TMEM270: variants seen among roughly 807,000 people sequenced by gnomAD.
TMEM270 encodes the protein transmembrane protein 270.
In TMEM270, 30 loss-of-function variants were observed where a neutral mutation model predicts 29.9. That is an observed-to-expected ratio of 1.00 (90% CI 0.75 to 1.36). TMEM270 has a LOEUF of 1.36. Among genes scored for constraint, TMEM270 ranks in the 40% most tolerant of loss-of-function variants. The pLI is 0.00. For synonymous variants in TMEM270, 135 were observed against 139.8 expected, an observed-to-expected ratio of 0.97 and a Z score of 0.24; for missense variants, 313 against 307.1, an observed-to-expected ratio of 1.02 and a Z score of -0.14.
At chr7:73,864,005 T>C (rs1788844162) in intron 1 of TMEM270, among the ~76,000 whole-genome samples, 1 of 148,922 alleles carries the variant, frequency 6.7e-6, no homozygotes, top group Non-Finnish European at 1.5e-5. Context: ...AGGCCAGGTA[T>C]AGTGGCTCAT....
chr7:73,865,094 T>C lies in TMEM270; in HGVS notation c.174T>C (p.Cys58=), dbSNP rs1788872011. 1 of 1,565,990 alleles carries C rather than the reference T, an allele frequency of 6.4e-7. No individual in the cohort carries two copies. The highest frequency in any genetic ancestry group is 8.7e-7 in the Non-Finnish European group (1 of 1,155,582). The change falls in exon 2 of 3, where the codon TGT becomes TGC. Residue 58 remains cysteine, a synonymous_variant. Coordinates refer to ENST00000320531, the MANE Select transcript of TMEM270 (RefSeq NM_182504.4). The part of the protein sequence containing the change: ...SGLAQEARGS[C]NWQAHLPLGA... ...TGGCCCAGGAGGCCCGGGGGTCCTG[T>C]AACTGGCAGGCCCACCTACCCCTGG...
chr7:73,865,082 C>G lies in TMEM270; in HGVS notation c.162C>G (p.Ala54=). 1 of 1,551,078 alleles carries G rather than the reference C, an allele frequency of 6.4e-7. No homozygotes were observed. Among genetic ancestry groups the G allele is most frequent in the Non-Finnish European group, 8.7e-7 (1 of 1,148,690 alleles). The change falls in exon 2 of 3, where the codon GCC becomes GCG. Residue 54 remains alanine (A), a synonymous_variant. Coordinates refer to ENST00000320531, the MANE Select transcript of TMEM270 (RefSeq NM_182504.4). ...GGGTGTCAGGGCTGGCCCAGGAGGC[C>G]CGGGGGTCCTGTAACTGGCAGGCCC... The part of the protein sequence containing the change: ...NHWVSGLAQE[A]RGSCNWQAHL...
At chr7:73,862,876 A>G (rs1447267844) in intron 1 of TMEM270, among the ~76,000 whole-genome samples, 2 of 148,548 alleles carry the variant, frequency 1.3e-5, no homozygotes, top group African/African-American at 2.5e-5. Context: ...GTCTCAGAAA[A>G]AAAAAAAAAA....
At chr7:73,861,480 C>A in intron 1 of TMEM270, 1 of 650,784 alleles carries the variant, frequency 1.5e-6, no homozygotes. Flanking sequence ...GACAGGGTCT[C>A]GCTCTGTCGC....
rs1554639757 is a variant in TMEM270 at position 73,865,137 on chromosome 7, CT to C, written c.218del (p.Leu73ArgfsTer11). 1 of 1,607,506 alleles carries C rather than the reference CT, an allele frequency of 6.2e-7. No individual in the cohort carries two copies. The highest frequency in any genetic ancestry group is 1.7e-5 in the Admixed American group (1 of 59,620). ...HLPLGAAACP[L>X]GQALWAGLAL... The stretch of plus-strand genomic sequence containing the variant: ...ACCCCTGGGAGCTGCAGCCTGCCCC[CT>C]GGGCCAGGCTCTCTGGGCTGGGCTG... On this transcript the variant is annotated frameshift_variant, in exon 2 of 3. Coordinates refer to ENST00000320531, the MANE Select transcript of TMEM270 (RefSeq NM_182504.4). LOFTEE classifies it high-confidence loss of function.
chr7:73,862,872 GAAAAAAAAAAAAAA>G (rs71082281), intron 1 of TMEM270, among the ~76,000 whole-genome samples: 4 of 44,084 alleles, frequency 9.1e-5, no homozygotes, highest in Non-Finnish European at 1.6e-4. Flanking sequence ...CCCTGTCTCA[GAAAAAAAAAAAAAA>G]AAAAAAAAAA....
rs1221589025 is a variant in TMEM270, at chr7:73,861,498, G to A, written c.72+232G>A. The A allele has an allele frequency of 1.2e-5, 8 of 640,934 alleles. No homozygotes were observed. The African/African-American group carries it at 1.4e-4, about 11-fold the overall frequency. The allele number at this position is 640,934 out of a possible 1,614,324, so 39.7% of individuals were successfully genotyped here. ...AGGGTCTCGCTCTGTCGCCCAGCCTGGAGCGCAGTGGTGCCGGCTCAGCTC... is the reference window on the plus strand; with the variant it reads ...AGGGTCTCGCTCTGTCGCCCAGCCTAGAGCGCAGTGGTGCCGGCTCAGCTC... On this transcript the variant is annotated intron_variant, in intron 1 of 2. Coordinates refer to ENST00000320531, the MANE Select transcript of TMEM270 (RefSeq NM_182504.4).
intron 1 of TMEM270, 187 bp downstream of exon 1, chr7:73,861,453 T>C (rs1163077456): frequency 6.1e-6 from 4 of 659,556 alleles, no homozygotes; most frequent in Non-Finnish European, 8.1e-6. Context: ...CATTTTCTTT[T>C]CTTTTCTTTA....
rs542429195 is a variant in TMEM270, at chr7:73,865,724, G to T, written c.649G>T (p.Ala217Ser). The stretch of plus-strand genomic sequence containing the variant: ...CTGCCTGGCCTCCCACCTGCTGCAG[G>T]CTGCCTTTGAGCACACGACCCAGCT... Reference protein sequence around the residue: ...TTCLASHLLQAAFEHTTQLAE... With the variant: ...TTCLASHLLQSAFEHTTQLAE... The change falls in exon 3 of 3, where the codon GCT (alanine) becomes TCT (serine). Residue 217 changes from alanine to serine, a missense_variant. By Grantham distance (99) the Ala-to-Ser change is moderately conservative. Coordinates refer to ENST00000320531, the MANE Select transcript of TMEM270 (RefSeq NM_182504.4). 6.8e-6 allele frequency: 11 copies of T among 1,614,130 alleles called. No individual in the cohort carries two copies. In the Admixed American group the frequency reaches 1.7e-4, roughly 24 times the overall value.
At chr7:73,864,919 A>G in intron 1 of TMEM270, 74 bp from the exon 2 acceptor site, 1 of 1,255,988 alleles carries the variant, frequency 8.0e-7, no homozygotes, top group Non-Finnish European at 1.1e-6. Context: ...AAAAAAAAAG[A>G]AAAAGAAAAA....
In TMEM270 at chr7:73,865,052, C is replaced by A; in HGVS notation, c.132C>A (p.Asn44Lys). The A allele has an allele frequency of 6.6e-7, 1 of 1,526,590 alleles. No homozygotes were observed. The highest frequency in any genetic ancestry group is 8.8e-7 in the Non-Finnish European group (1 of 1,137,934). 94.6% of individuals were successfully genotyped at this position (1,526,590 alleles called of 1,614,324 possible). Residue 44 changes from asparagine (N) to lysine (K), a missense_variant, in exon 2 of 3, where the codon AAC becomes AAA. Coordinates refer to ENST00000320531, the MANE Select transcript of TMEM270 (RefSeq NM_182504.4). ...NFLLLKINLFNHWVSGLAQEA... is the reference protein window; with the variant it reads ...NFLLLKINLFKHWVSGLAQEA... ...TGCTCCTCAAGATCAACCTCTTCAACCACTGGGTGTCAGGGCTGGCCCAGG... is the reference window on the plus strand; with the variant it reads ...TGCTCCTCAAGATCAACCTCTTCAAACACTGGGTGTCAGGGCTGGCCCAGG...
At chr7:73,863,164 G>T (rs956653480) in intron 1 of TMEM270, among the ~76,000 whole-genome samples, 2 of 152,088 alleles carry the variant, frequency 1.3e-5, no homozygotes, top group African/African-American at 2.4e-5. Flanking sequence ...GCCCGTGAGT[G>T]GGGGGTCTTG....
Position 73,861,298 on chromosome 7 carries a change from G to T in TMEM270, c.72+32G>T. 2.1e-6 allele frequency: 3 copies of T among 1,441,582 alleles called. No homozygotes were observed. The South Asian group carries it at 3.5e-5, about 17-fold the overall frequency. 89.3% of individuals were successfully genotyped at this position (1,441,582 alleles called of 1,614,324 possible). ...GGGGGCTGGGGGTAAGTGGGGTGGG[G>T]ACCACACACCAGGCCCTTCACAGAG... On this transcript the variant is annotated intron_variant, in intron 1 of 2. Coordinates refer to ENST00000320531, the MANE Select transcript of TMEM270 (RefSeq NM_182504.4).
intron 1 of TMEM270, among the ~76,000 whole-genome samples, chr7:73,862,297 A>G (rs1788806573): frequency 6.6e-6 from 1 of 151,796 alleles, no homozygotes. Context: ...TAGTAGAGAC[A>G]GGGTTTCACC....
At position 73,865,665 on chromosome 7, in the gene TMEM270, C is replaced by G. The variant is rs1788893107; in HGVS notation, c.590C>G (p.Ser197Cys). Residue 197 changes from serine (S) to cysteine (C), a missense_variant, in exon 3 of 3, where the codon TCC becomes TGC. Transcript: ENST00000320531. ...GTGGAGACTATGACTGCCCTCACCT[C>G]CTGGCACCTGGCCTATCTCATCACC... ...WWVETMTALT[S>C]WHLAYLITWT... The G allele has an allele frequency of 6.2e-7, 1 of 1,614,010 alleles. No homozygotes were observed. Among genetic ancestry groups the G allele is most frequent in the Admixed American group, 1.7e-5 (1 of 59,998 alleles).
rs1554639272 is a variant in TMEM270, at chr7:73,861,550, A to G, written c.72+284A>G. On this transcript the variant is annotated intron_variant, in intron 1 of 2. Coordinates refer to ENST00000320531, the MANE Select transcript of TMEM270 (RefSeq NM_182504.4). ...TTGCAGCCTCCAACTCCCGGTCTCA[A>G]GCAATCCTCCCCCCTCAGCCTCCAA... 5.2e-6 allele frequency: 3 copies of G among 575,668 alleles called. No homozygotes were observed. In the Admixed American group the frequency reaches 6.6e-5, roughly 13 times the overall value. The allele number at this position is 575,668 out of a possible 1,614,324, so 35.7% of individuals were successfully genotyped here.
chr7:73,861,236 C>A lies in TMEM270; in HGVS notation c.42C>A (p.Ile14=), dbSNP rs781811494. The A allele has an allele frequency of 6.2e-6, 10 of 1,613,174 alleles. No homozygotes were observed. The highest frequency in any genetic ancestry group is 1.3e-5 in the African/African-American group (1 of 74,898). The change falls in exon 1 of 3, where the codon ATC becomes ATA. Residue 14 remains isoleucine (I), a synonymous_variant. Transcript: ENST00000320531. ...LPPVRSSLLG[I]LLQVTRLSVL... is the part of the protein sequence containing the mutation. ...CAGTCAGATCCAGCCTTTTGGGGATCCTGTTGCAGGTTACGAGGCTCTCAG... is the reference window on the plus strand; with the variant it reads ...CAGTCAGATCCAGCCTTTTGGGGATACTGTTGCAGGTTACGAGGCTCTCAG...
upstream of TMEM270, chr7:73,861,077 G>C (rs1294706087): frequency 1.0e-5 from 10 of 954,280 alleles, no homozygotes; most frequent in Admixed American, 1.3e-4. Flanking sequence ...GCAGGAGCCA[G>C]GTAAAGGCAG....
chr7:73,862,177 G>A (rs551418008), intron 1 of TMEM270, among the ~76,000 whole-genome samples: 77 of 150,704 alleles, frequency 5.1e-4, no homozygotes, highest in Middle Eastern at 6.8e-3. Context: ...GTGCGATCTC[G>A]GCTCACTGCA....
Sources: gnomAD v4.1 joint callset for allele counts (sites outside exome capture counted in the v4.1 genomes callset) on GRCh38, gnomAD v4.1.1 for gene constraint, MANE v1.5 for transcripts, NCBI Gene and HGNC (gene_info 2026-07-23, HGNC 2026-07-21) for gene names.